The following URI1 variants were observed in gnomAD, a reference collection of about 807,000 sequenced individuals.
URI1 encodes the protein URI1 prefoldin like chaperone, also known as unconventional prefoldin RPB5 interactor 1.
A neutral mutation model predicts 60.2 loss-of-function variants in URI1; 39 were observed. The observed-to-expected ratio is 0.65, with a 90% CI of 0.50 to 0.85. The LOEUF (loss-of-function observed/expected upper bound fraction) is 0.85, where lower values mean the gene tolerates loss of function less well. URI1 is among the 40% of genes least tolerant of loss of function. The pLI is 0.00. For missense variants in URI1, 691 were observed against 665.9 expected, an observed-to-expected ratio of 1.04 and a Z score of -0.42; for synonymous variants, 251 against 236.8, an observed-to-expected ratio of 1.06 and a Z score of -0.55.
At position 29,942,556 on chromosome 19, in the gene URI1, G is replaced by T. The variant is rs1467362371; in HGVS notation, c.9G>T (p.Ala3=). ...AGGCCCGCGGGCCCGTCATGGAGGC[G>T]CCCACCGTGGAGACGCCCCCCGACC... ME[A]PTVETPPDPS... Residue 3 remains alanine, a synonymous_variant, in exon 1 of 11, where the codon GCG becomes GCT. Coordinates refer to ENST00000392271, the MANE Select transcript of URI1 (RefSeq NM_003796.3). The T allele has an allele frequency of 3.5e-6, 5 of 1,413,994 alleles. No homozygotes were observed. The highest frequency in any genetic ancestry group is 4.6e-6 in the Non-Finnish European group (5 of 1,084,628). The allele number at this position is 1,413,994 out of a possible 1,614,324, so 87.6% of individuals were successfully genotyped here.
At position 30,014,965 on chromosome 19, in the gene URI1, C is replaced by G; in HGVS notation, c.1504C>G (p.Leu502Val). The G allele has an allele frequency of 6.2e-7, 1 of 1,613,854 alleles. No individual in the cohort carries two copies. Among genetic ancestry groups the G allele is most frequent in the Non-Finnish European group, 8.5e-7 (1 of 1,179,804 alleles). The change falls in exon 11 of 11, where the codon CTA becomes GTA. Residue 502 changes from leucine to valine, a missense_variant. Leu to Val is a conservative substitution (Grantham distance 32, BLOSUM62 1). Transcript: ENST00000392271. ...ACCCCCAGCCATTGCTCATCCCGCA[C>G]TACCCACTATTCCAGAACGAAAGGA... ...TPPPAIAHPA[L>V]PTIPERKEVL...
chr19:29,986,508 C>T (rs2055672826), intron 4 of URI1, 91 bp downstream of exon 4: 1 of 1,445,378 alleles, frequency 6.9e-7, no homozygotes, highest in South Asian at 1.3e-5. Flanking sequence ...CCAAAAGTAC[C>T]TTCCGTGATC....
intron 5 of URI1, 56 bp downstream of exon 5, chr19:30,005,508 GA>G: frequency 6.7e-7 from 1 of 1,497,636 alleles, no homozygotes. Context: ...AAAGAAATAT[GA>G]AGCTATCTTA....
intron 1 of URI1, among the ~76,000 whole-genome samples, chr19:29,924,486 G>A (rs1300992846): frequency 6.6e-6 from 1 of 152,134 alleles, no homozygotes; most frequent in African/African-American, 2.4e-5. Flanking sequence ...TAGCCACCTC[G>A]CTTTCATCCC....
Position 29,978,080 on chromosome 19 carries a change from C to T in URI1, c.152+6853C>T, listed in dbSNP as rs162920. ...CAAACTGTAAATGCATTTTTCTTTT[C>T]CTTCTCTTTTTAAAGAGTTAAATGA... is the stretch of plus-strand genomic sequence containing the variant. On this transcript the variant is annotated intron_variant, in intron 2 of 10. Coordinates refer to ENST00000392271, the MANE Select transcript of URI1 (RefSeq NM_003796.3). Among the ~76,000 whole-genome samples, 1,287 of 152,024 alleles carry T rather than the reference C, an allele frequency of 8.5e-3. 22 individuals carry two copies. The highest frequency in any genetic ancestry group is 0.03 in the African/African-American group (1,235 of 41,464).
At chr19:29,998,089 C>A (rs1001341189) in intron 4 of URI1, among the ~76,000 whole-genome samples, 1 of 152,022 alleles carries the variant, frequency 6.6e-6, no homozygotes, top group Non-Finnish European at 1.5e-5. Flanking sequence ...CTTCTTTGAC[C>A]CATTGACAGA....
chr19:29,969,565 C>T (rs760241875), intron 1 of URI1, among the ~76,000 whole-genome samples: 2 of 152,040 alleles, frequency 1.3e-5, no homozygotes, highest in Non-Finnish European at 2.9e-5. Context: ...TATGCAGCTA[C>T]GAAAGGATTA....
Position 29,942,484 on chromosome 19 carries a change from C to T in URI1, c.-64C>T. 1.8e-6 allele frequency: 2 copies of T among 1,114,840 alleles called. No individual in the cohort carries two copies. Among genetic ancestry groups the T allele is most frequent in the East Asian group, 4.6e-5 (1 of 21,596 alleles). The allele number at this position is 1,114,840 out of a possible 1,614,324, so 69.1% of individuals were successfully genotyped here. A position where few individuals can be genotyped will look rare whatever the true frequency, so the allele number is the denominator to read the frequency against. ...CGCGCGGGCGCTGGGCAACTGCCGG[C>T]CGCGCCGCCTGCGCAGGCGCTGGTT... On this transcript the variant is annotated 5_prime_UTR_variant, in exon 1 of 11. Transcript: ENST00000392271.
intron 1 of URI1, among the ~76,000 whole-genome samples, chr19:29,968,820 C>A (rs573491710): frequency 5.9e-5 from 9 of 151,904 alleles, no homozygotes; most frequent in African/African-American, 2.2e-4. Flanking sequence ...ATCCACCCAC[C>A]TCAGCCTCCC....
At chr19:29,957,067 AT>A in intron 1 of URI1, 1 of 535,918 alleles carries the variant, frequency 1.9e-6, no homozygotes, top group Non-Finnish European at 3.3e-6. Flanking sequence ...TCATTTTGTC[AT>A]TTTCCTGCTT....
At chr19:30,007,982 A>C (rs778109150) in intron 7 of URI1, among the ~76,000 whole-genome samples, 9 of 152,102 alleles carry the variant, frequency 5.9e-5, no homozygotes, top group Non-Finnish European at 1.2e-4. Flanking sequence ...ATTTTAAATG[A>C]AGTATTTTTA....
intron 1 of URI1, among the ~76,000 whole-genome samples, chr19:29,936,134 T>C (rs1209430993): frequency 6.6e-6 from 1 of 151,086 alleles, no homozygotes; most frequent in Non-Finnish European, 1.5e-5. Flanking sequence ...TTTAGAGTTT[T>C]GCTCTTGTGC....
In URI1 at chr19:30,005,385, TA is replaced by T. The variant is rs1568443871; in HGVS notation, c.399del (p.Val134Ter). ...KEHVRKTIDD[L>X]KKVMKNFESR... ...GATGTAAGAAAAACAATAGATGACTTAAAAAAAGTGATGAAAAATTTTGAAT... is the reference window on the plus strand; with the variant it reads ...GATGTAAGAAAAACAATAGATGACTTAAAAAAGTGATGAAAAATTTTGAAT... On this transcript the variant is annotated frameshift_variant, in exon 5 of 11. Transcript: ENST00000392271. LOFTEE classifies it high-confidence loss of function. The T allele has an allele frequency of 1.9e-6, 3 of 1,600,650 alleles. No homozygotes were observed. The highest frequency in any genetic ancestry group is 1.7e-5 in the Admixed American group (1 of 57,566).
intron 1 of URI1, among the ~76,000 whole-genome samples, chr19:29,947,640 C>T (rs966063241): frequency 6.6e-6 from 1 of 152,158 alleles, no homozygotes; most frequent in Non-Finnish European, 1.5e-5. Context: ...ACCTGCTCAT[C>T]TGTTAACTAC....
upstream of URI1, among the ~76,000 whole-genome samples, chr19:29,939,683 G>A (rs1029988273): frequency 7.2e-5 from 11 of 152,256 alleles, no homozygotes; most frequent in African/African-American, 2.7e-4. Flanking sequence ...AGGAGATCAA[G>A]AAAGCCCTGT....
At chr19:29,950,624 A>G (rs335048) in intron 1 of URI1, among the ~76,000 whole-genome samples, 6,329 of 152,240 alleles carry the variant, frequency 0.042, 464 homozygotes, top group African/African-American at 0.14. Context: ...CATCACATCA[A>G]TAATACTGAA....
At chr19:30,008,974 G>A (rs2055979030) in intron 7 of URI1, 31 bp from the exon 8 acceptor site, 1 of 1,508,272 alleles carries the variant, frequency 6.6e-7, no homozygotes, top group Non-Finnish European at 9.0e-7. Context: ...TAGTATGTTT[G>A]TTTGATCTTG....
intron 1 of URI1, among the ~76,000 whole-genome samples, chr19:29,932,403 G>A (rs1450780178): frequency 6.6e-6 from 1 of 151,898 alleles, no homozygotes; most frequent in Non-Finnish European, 1.5e-5. Flanking sequence ...TGCAACCTCC[G>A]CCTCCCGGGC....
chr19:29,932,318 GATT>G (rs111766393), intron 1 of URI1, among the ~76,000 whole-genome samples: 1 of 150,434 alleles, frequency 6.6e-6, no homozygotes, highest in African/African-American at 2.4e-5. Flanking sequence ...TGATGATGAT[GATT>G]ATTATTATTA....
Sources: allele counts gnomAD v4.1 joint callset (sites outside exome capture counted in the v4.1 genomes callset), GRCh38; gene constraint gnomAD v4.1.1; transcripts MANE v1.5; gene names NCBI Gene and HGNC (gene_info 2026-07-23, HGNC 2026-07-21).